ARHGAP44: variants seen among roughly 807,000 people sequenced by gnomAD.
The protein encoded by ARHGAP44 is Rho GTPase activating protein 44.
In ARHGAP44, 43 loss-of-function variants were observed where a neutral mutation model predicts 106.8. That is an observed-to-expected ratio of 0.40 (90% CI 0.32 to 0.52). The LOEUF is 0.52. Among genes scored for constraint, ARHGAP44 ranks in the 20% least tolerant of loss-of-function variants. The pLI, the probability that ARHGAP44 is intolerant of heterozygous loss-of-function variation, is 0.48. For synonymous variants in ARHGAP44, 439 were observed against 410.3 expected, an observed-to-expected ratio of 1.07 and a Z score of -0.85; for missense variants, 866 against 1,050.5, an observed-to-expected ratio of 0.82 and a Z score of 2.43.
chr17:12,857,361 A>G (rs1353111334), intron 1 of ARHGAP44, among the ~76,000 whole-genome samples: 1 of 152,212 alleles, frequency 6.6e-6, no homozygotes, highest in Admixed American at 6.5e-5. Flanking sequence ...GTCTAAGAGC[A>G]TGGAACTAGC....
chr17:12,861,870 A>G (rs2036095851), intron 1 of ARHGAP44, among the ~76,000 whole-genome samples: 1 of 151,706 alleles, frequency 6.6e-6, no homozygotes, highest in African/African-American at 2.4e-5. Flanking sequence ...CCTGGCCCCA[A>G]ATGATCCACT....
intron 1 of ARHGAP44, among the ~76,000 whole-genome samples, chr17:12,839,849 C>A (rs1022708663): frequency 6.6e-6 from 1 of 152,104 alleles, no homozygotes; most frequent in East Asian, 1.9e-4. Context: ...AGGAATAAAA[C>A]AAGTCAAGCA....
At chr17:12,865,150 A>G (rs952415673) in intron 1 of ARHGAP44, among the ~76,000 whole-genome samples, 1 of 152,228 alleles carries the variant, frequency 6.6e-6, no homozygotes, top group African/African-American at 2.4e-5. Context: ...CTAGAATTTT[A>G]TGGATAAAGA....
intron 1 of ARHGAP44, among the ~76,000 whole-genome samples, chr17:12,881,125 A>G (rs111893247): frequency 0.026 from 3,856 of 150,172 alleles, 165 homozygotes; most frequent in African/African-American, 0.088. Flanking sequence ...TCTTTTTTCT[A>G]GTGTCTTTCT....
chr17:12,884,525 A>G (rs1418791620), intron 1 of ARHGAP44, among the ~76,000 whole-genome samples: 1 of 152,132 alleles, frequency 6.6e-6, no homozygotes, highest in Non-Finnish European at 1.5e-5. Context: ...TCCATCTTCA[A>G]AGTTTCTTTT....
At chr17:12,805,571 T>G (rs201921290) in intron 1 of ARHGAP44, among the ~76,000 whole-genome samples, 1 of 152,102 alleles carries the variant, frequency 6.6e-6, no homozygotes, top group East Asian at 1.9e-4. Flanking sequence ...ATTGTCTTTA[T>G]CTCCAAAGCA....
intron 19 of ARHGAP44, among the ~76,000 whole-genome samples, chr17:12,982,319 A>T (rs201031069): frequency 2.0e-3 from 168 of 83,526 alleles, no homozygotes; most frequent in African/African-American, 4.4e-3. Flanking sequence ...CTTTTTTTTT[A>T]ATTTTTTTTT....
In ARHGAP44 at chr17:12,978,035, T is replaced by TAAAAAAAAAAAAAAA. The variant is rs757585682; in HGVS notation, c.1764-2023_1764-2022insAAAAAAAAAAAAAAA. On this transcript the variant is annotated intron_variant, in intron 18 of 20. Coordinates refer to ENST00000379672, the MANE Select transcript of ARHGAP44 (RefSeq NM_014859.6). Reference sequence around the variant, plus strand: ...CTGGGCAACAGAGCAAGACTCCATCTCAAAAAAAAAAAAAAAAAAAAGTGT... The same window carrying TAAAAAAAAAAAAAAA: ...CTGGGCAACAGAGCAAGACTCCATCTAAAAAAAAAAAAAAACAAAAAAAAAAAAAAAAAAAAGTGT... Among the ~76,000 whole-genome samples, 531 of 55,476 alleles carry TAAAAAAAAAAAAAAA rather than the reference T, an allele frequency of 9.6e-3. 94 individuals carry two copies. The highest frequency in any genetic ancestry group is 0.026 in the African/African-American group (280 of 10,698). 36.4% of individuals were successfully genotyped at this position (55,476 alleles called of 152,430 possible).
intron 6 of ARHGAP44, among the ~76,000 whole-genome samples, chr17:12,925,697 C>T (rs2038210782): frequency 6.6e-6 from 1 of 152,204 alleles, no homozygotes; most frequent in African/African-American, 2.4e-5. Flanking sequence ...GATGGTGGTA[C>T]ATCAGCTACT....
intron 3 of ARHGAP44, among the ~76,000 whole-genome samples, chr17:12,898,246 T>G (rs866327988): frequency 6.6e-6 from 1 of 152,116 alleles, no homozygotes; most frequent in Non-Finnish European, 1.5e-5. Context: ...TCAAGGGTGA[T>G]TAGGGCAGAT....
Position 12,984,843 on chromosome 17 carries a change from C to A in ARHGAP44, c.2252C>A (p.Ser751Tyr). The A allele has an allele frequency of 6.2e-7, 1 of 1,614,012 alleles. No individual in the cohort carries two copies. The highest frequency in any genetic ancestry group is 8.5e-7 in the Non-Finnish European group (1 of 1,179,898). The change falls in exon 20 of 21, where the codon TCT becomes TAT. Residue 751 changes from serine to tyrosine, a missense_variant. Ser to Tyr is a moderately radical substitution (Grantham distance 144). This residue lies in a region of ARHGAP44 where 418 missense variants were observed against 403.6 expected (regional missense o/e 1.04). Transcript: ENST00000379672. Reference sequence around the variant, plus strand: ...CCTCCCACAGTAAACCTCTCGGCCTCTAGTCCACAGTCCACGGAGGCCCCC... The same window carrying A: ...CCTCCCACAGTAAACCTCTCGGCCTATAGTCCACAGTCCACGGAGGCCCCC... ...PQPPTVNLSA[S>Y]SPQSTEAPML...
intron 13 of ARHGAP44, 22 bp downstream of exon 13, chr17:12,952,603 A>G (rs1253297019): frequency 2.0e-5 from 31 of 1,534,134 alleles, no homozygotes; most frequent in Non-Finnish European, 2.6e-5. Flanking sequence ...CTTACCAAGT[A>G]TAGACACATG....
intron 1 of ARHGAP44, among the ~76,000 whole-genome samples, chr17:12,866,231 T>C (rs2036235829): frequency 6.6e-6 from 1 of 152,220 alleles, no homozygotes; most frequent in Admixed American, 6.5e-5. Context: ...ATGAATTGAA[T>C]TGAGATTTTA....
intron 1 of ARHGAP44, among the ~76,000 whole-genome samples, chr17:12,828,525 A>G (rs1181641691): frequency 6.6e-6 from 1 of 151,926 alleles, no homozygotes; most frequent in Non-Finnish European, 1.5e-5. Flanking sequence ...AGGCTGTTAC[A>G]TTGAATCATC....
chr17:12,806,997 A>G (rs188550413), intron 1 of ARHGAP44, among the ~76,000 whole-genome samples: 1 of 152,280 alleles, frequency 6.6e-6, no homozygotes, highest in East Asian at 1.9e-4. Flanking sequence ...TTGGTAAAGT[A>G]GTCTCTAGTT....
intron 1 of ARHGAP44, among the ~76,000 whole-genome samples, chr17:12,843,208 G>A (rs144918156): frequency 3.7e-4 from 56 of 152,160 alleles, no homozygotes; most frequent in African/African-American, 9.4e-4. Flanking sequence ...GCCTTAAGGC[G>A]TCCTGAACTC....
At chr17:12,963,116 C>T (rs1039814226) in intron 16 of ARHGAP44, among the ~76,000 whole-genome samples, 3 of 150,182 alleles carry the variant, frequency 2.0e-5, no homozygotes, top group African/African-American at 7.4e-5. Flanking sequence ...CTCATGACAG[C>T]AGCCATAGGA....
At position 12,789,901 on chromosome 17, in the gene ARHGAP44, C is replaced by T; in HGVS notation, c.53+10C>T. On this transcript the variant is annotated intron_variant, in intron 1 of 20. Coordinates refer to ENST00000379672, the MANE Select transcript of ARHGAP44 (RefSeq NM_014859.6). ...ACCAGACGGTGGGCAGGTAGGTCACCCGCGGGCACCGCTGTCGGTGCGCGC... is the reference window on the plus strand; with the variant it reads ...ACCAGACGGTGGGCAGGTAGGTCACTCGCGGGCACCGCTGTCGGTGCGCGC... The T allele has an allele frequency of 6.6e-7, 1 of 1,515,844 alleles. No homozygotes were observed. The highest frequency in any genetic ancestry group is 8.8e-7 in the Non-Finnish European group (1 of 1,133,888). 93.9% of individuals were successfully genotyped at this position (1,515,844 alleles called of 1,614,324 possible). A position where few individuals can be genotyped will look rare whatever the true frequency, so the allele number is the denominator to read the frequency against.
chr17:12,797,961 A>G (rs920992996), intron 1 of ARHGAP44, among the ~76,000 whole-genome samples: 1 of 152,080 alleles, frequency 6.6e-6, no homozygotes, highest in Non-Finnish European at 1.5e-5. Flanking sequence ...AGCTTCAGTG[A>G]TTTGAATCTT....
Sources: allele counts gnomAD v4.1 joint callset (sites outside exome capture counted in the v4.1 genomes callset), GRCh38; gene constraint gnomAD v4.1.1; regional missense constraint gnomAD v4.1.1; transcripts MANE v1.5; gene names NCBI Gene and HGNC (gene_info 2026-07-23, HGNC 2026-07-21).